Variants in PLEKHA5 observed in about 807,000 individuals in gnomAD.
The protein encoded by PLEKHA5 is pleckstrin homology domain containing A5.
Under a neutral mutation model 181.9 loss-of-function variants are expected in PLEKHA5, and 55 were observed. That is an observed-to-expected ratio of 0.30 (90% CI 0.24 to 0.38). PLEKHA5 has a LOEUF of 0.38. Ranked by LOEUF, PLEKHA5 falls within the 10% of genes least tolerant of loss-of-function variation. PLEKHA5 has a pLI of 1.00. For missense variants in PLEKHA5, 1,432 were observed against 1,549.5 expected (o/e 0.92, Z 1.27); for synonymous variants, 535 against 529.4 (o/e 1.01, Z -0.15).
At chr12:19,348,756 C>T (rs752545029) in intron 25 of PLEKHA5, among the ~76,000 whole-genome samples, 25 of 152,150 alleles carry the variant, frequency 1.6e-4, no homozygotes, top group Admixed American at 3.9e-4. Flanking sequence ...CTTTTTTTAA[C>T]ACTATTTCTA....
At position 19,322,323 on chromosome 12, in the gene PLEKHA5, G is replaced by T. The variant is rs746093389; in HGVS notation, c.2231G>T (p.Arg744Leu). 8.7e-6 allele frequency: 14 copies of T among 1,612,586 alleles called. No individual in the cohort carries two copies. In the East Asian group the frequency reaches 2.9e-4, roughly 33 times the overall value. The change falls in exon 19 of 32, where the codon CGA becomes CTA. Residue 744 changes from arginine (R) to leucine (L), a missense_variant. By Grantham distance (102) the Arg-to-Leu change is moderately radical (BLOSUM62 -2). Transcript: ENST00000429027. ...CTTATAACCTAGGCCAAGTTAAGCCGATTATGTGAACAAGATAAAGTGGTG... is the reference window on the plus strand; with the variant it reads ...CTTATAACCTAGGCCAAGTTAAGCCTATTATGTGAACAAGATAAAGTGGTG... ...EEVDIDAKLS[R>L]LCEQDKVVHA...
intron 3 of PLEKHA5, among the ~76,000 whole-genome samples, chr12:19,238,990 C>T (rs1205304385): frequency 6.6e-6 from 1 of 152,108 alleles, no homozygotes; most frequent in Non-Finnish European, 1.5e-5. Flanking sequence ...TGTAATTGTG[C>T]TACTCTTCTT....
At chr12:19,291,721 A>T (rs1359242629) in intron 15 of PLEKHA5, 24 bp downstream of exon 15, 1 of 1,241,046 alleles carries the variant, frequency 8.1e-7, no homozygotes, top group African/African-American at 1.5e-5. Flanking sequence ...AGATTTTCTT[A>T]CTTTTAATAC....
rs2066135732 is a variant in PLEKHA5, at chr12:19,254,004, A to G, written c.292A>G (p.Ile98Val). Reference sequence around the variant, plus strand: ...AGGACAACCATCACAGGACAATTGTATTTTTGTAGTGAATGAACAGTAAGT... The same window carrying G: ...AGGACAACCATCACAGGACAATTGTGTTTTTGTAGTGAATGAACAGTAAGT... ...VTGQPSQDNC[I>V]FVVNEQTVAT... is the part of the protein sequence containing the mutation. Residue 98 changes from isoleucine (I) to valine (V), a missense_variant, in exon 4 of 32, where the codon ATT becomes GTT. This residue lies in a region of PLEKHA5 where 289 missense variants were observed against 381.1 expected (regional missense o/e 0.76). Transcript: ENST00000429027. 3 of 1,602,568 alleles carry G rather than the reference A, an allele frequency of 1.9e-6. No homozygotes were observed. The highest frequency in any genetic ancestry group is 1.7e-4 in the Middle Eastern group (1 of 6,050).
chr12:19,139,144 G>T (rs2036564211), intron 3 of PLEKHA5, among the ~76,000 whole-genome samples: 1 of 152,116 alleles, frequency 6.6e-6, no homozygotes, highest in Non-Finnish European at 1.5e-5. Context: ...CGAGCTGACA[G>T]GCCTTAGGAG....
chr12:19,298,008 C>G (rs892427445), intron 15 of PLEKHA5, among the ~76,000 whole-genome samples: 2 of 151,932 alleles, frequency 1.3e-5, no homozygotes, highest in East Asian at 1.9e-4. Flanking sequence ...GAGTTTGAGA[C>G]AGCCTGGCCA....
chr12:19,329,616 T>C (rs1592512819), intron 20 of PLEKHA5, among the ~76,000 whole-genome samples: 1 of 152,220 alleles, frequency 6.6e-6, no homozygotes. Flanking sequence ...CTAGTTTGTG[T>C]GCATAGTGGT....
At chr12:19,331,879 C>T (rs1437180586) in intron 20 of PLEKHA5, among the ~76,000 whole-genome samples, 1 of 151,964 alleles carries the variant, frequency 6.6e-6, no homozygotes, top group African/African-American at 2.4e-5. Flanking sequence ...AAAAACAATG[C>T]CCCAGCATGG....
At chr12:19,295,684 G>A (rs1220697176) in intron 15 of PLEKHA5, among the ~76,000 whole-genome samples, 1 of 152,184 alleles carries the variant, frequency 6.6e-6, no homozygotes, top group Non-Finnish European at 1.5e-5. Flanking sequence ...TGAAACTGGA[G>A]TAACAGGTTT....
At chr12:19,281,070 T>C (rs920759895) in intron 11 of PLEKHA5, among the ~76,000 whole-genome samples, 3 of 151,808 alleles carry the variant, frequency 2.0e-5, no homozygotes, top group African/African-American at 7.3e-5. Flanking sequence ...AAAGTTACGT[T>C]TGGGAAAAAT....
chr12:19,285,575 A>G (rs1304207090), intron 12 of PLEKHA5, among the ~76,000 whole-genome samples: 2 of 152,194 alleles, frequency 1.3e-5, no homozygotes, highest in Non-Finnish European at 2.9e-5. Flanking sequence ...GGCATTATTC[A>G]TTGTGTTCCT....
chr12:19,347,249 AT>A, intron 24 of PLEKHA5, 67 bp downstream of exon 24: 1 of 956,096 alleles, frequency 1.0e-6, no homozygotes, highest in Non-Finnish European at 1.5e-6. Flanking sequence ...AAATTAATTT[AT>A]TTTACACTCA....
chr12:19,231,612 A>ATATTTATATATTT (rs1424318753), intron 3 of PLEKHA5, among the ~76,000 whole-genome samples: 2 of 147,366 alleles, frequency 1.4e-5, no homozygotes, highest in Admixed American at 6.9e-5. Context: ...ATATATATAT[A>ATATTTATATATTT]AATACTCATA....
chr12:19,280,174 C>T (rs576582674), intron 11 of PLEKHA5, among the ~76,000 whole-genome samples: 3 of 150,934 alleles, frequency 2.0e-5, no homozygotes, highest in Admixed American at 1.3e-4. Flanking sequence ...CTCAACCTCC[C>T]GAGTAGCTGG....
chr12:19,302,384 A>G (rs2081754237), intron 15 of PLEKHA5, among the ~76,000 whole-genome samples: 1 of 152,186 alleles, frequency 6.6e-6, no homozygotes, highest in South Asian at 2.1e-4. Flanking sequence ...CCTCCTGCAA[A>G]TGACTTGCAG....
chr12:19,320,122 C>A, intron 17 of PLEKHA5, 66 bp downstream of exon 17: 1 of 610,386 alleles, frequency 1.6e-6, no homozygotes, highest in South Asian at 2.2e-5. Flanking sequence ...GATGTGTTGA[C>A]ATTTGAGTGT....
chr12:19,272,343 G>T (rs2073136344), intron 10 of PLEKHA5, among the ~76,000 whole-genome samples: 1 of 151,904 alleles, frequency 6.6e-6, no homozygotes, highest in Non-Finnish European at 1.5e-5. Flanking sequence ...AGTCAGCTTT[G>T]TTCCATTTAG....
chr12:19,224,125 TTTAAAG>T (rs1476466653), intron 3 of PLEKHA5, among the ~76,000 whole-genome samples: 2 of 152,296 alleles, frequency 1.3e-5, no homozygotes, highest in Non-Finnish European at 2.9e-5. Flanking sequence ...ACTAAAGTGT[TTTAAAG>T]TTAATTACAG....
chr12:19,144,371 C>T (rs2038306819), intron 3 of PLEKHA5, among the ~76,000 whole-genome samples: 1 of 152,210 alleles, frequency 6.6e-6, no homozygotes, highest in South Asian at 2.1e-4. Flanking sequence ...ACACCAGCGT[C>T]TCTCCTCGTG....
Sources: gnomAD v4.1 joint callset for allele counts (sites outside exome capture counted in the v4.1 genomes callset) on GRCh38, gnomAD v4.1.1 for gene constraint, gnomAD v4.1.1 regional missense constraint, MANE v1.5 for transcripts, NCBI Gene and HGNC (gene_info 2026-07-23, HGNC 2026-07-21) for gene names.